Variants in MED25 observed in about 807,000 individuals in gnomAD.
The protein encoded by MED25 is mediator complex subunit 25.
MED25 carries 62 observed loss-of-function variants against 89.4 expected under a neutral mutation model. The ratio of observed to expected loss-of-function variants is 0.69; its 90% CI spans 0.57 to 0.86. MED25 has a LOEUF of 0.86. Among genes scored for constraint, MED25 ranks in the 40% least tolerant of loss-of-function variants. The pLI, the probability that MED25 is intolerant of heterozygous loss-of-function variation, is 0.00. For synonymous variants in MED25, 449 were observed against 427.9 expected, an observed-to-expected ratio of 1.05 and a Z score of -0.61; for missense variants, 905 against 1,005.2, an observed-to-expected ratio of 0.90 and a Z score of 1.35.
intron 12 of MED25, 53 bp from the exon 13 acceptor site, chr19:49,832,255 C>T: frequency 6.6e-7 from 1 of 1,524,288 alleles, no homozygotes. Flanking sequence ...GCCTCATGTC[C>T]CCGCCTCACT....
Position 49,830,179 on chromosome 19 carries a change from C to T in MED25, c.780C>T (p.Ala260=), listed in dbSNP as rs1310249035. 6.2e-7 allele frequency: 1 copy of T among 1,600,558 alleles called. No homozygotes were observed. Among genetic ancestry groups the T allele is most frequent in the East Asian group, 2.2e-5 (1 of 44,752 alleles). ...CCTCAGGTGCCACTCTCTCAGCAGC[C>T]CCCCAGCAGCCTCTGCCCCCCGTCC... ...AAPSGATLSA[A]PQQPLPPVPP... is the part of the protein sequence containing the mutation. Residue 260 remains alanine, a synonymous_variant, in exon 7 of 18, where the codon GCC becomes GCT. Transcript: ENST00000312865. This position sits in a 1 kb window ranked among gnomAD's most constrained non-coding sequence, Gnocchi z 4.6.
chr19:49,835,729 C>G lies in MED25; in HGVS notation c.1749C>G (p.Leu583=), dbSNP rs2074091528. ...ACCCCTGTGTCTCTTCCCACCAGCT[C>G]CAGCTCCGCCCACCGCAGCCCCAGC... ...EDQARPSQNL[L]QLRPPQPQPQ... The change falls in exon 16 of 18, where the codon CTC becomes CTG. Residue 583 remains leucine, a splice_region_variant and synonymous_variant. Transcript: ENST00000312865. This position sits in a 1 kb window ranked among gnomAD's most constrained non-coding sequence, Gnocchi z 6.2. 1 of 1,609,376 alleles carries G rather than the reference C, an allele frequency of 6.2e-7. No individual in the cohort carries two copies.
rs1568626129 is a variant in MED25, at chr19:49,836,684, G to A, written c.2147-163G>A. The A allele has an allele frequency of 1.4e-6, 1 of 739,018 alleles. No homozygotes were observed. The highest frequency in any genetic ancestry group is 2.5e-6 in the Non-Finnish European group (1 of 406,450). The allele number at this position is 739,018 out of a possible 1,614,324, so 45.8% of individuals were successfully genotyped here. ...GGCCAGAGAAGTAGTTTTGGAGAAGGGCCCCCAAAGGCTCATGGGAAACAG... is the reference window on the plus strand; with the variant it reads ...GGCCAGAGAAGTAGTTTTGGAGAAGAGCCCCCAAAGGCTCATGGGAAACAG... On this transcript the variant is annotated intron_variant, in intron 17 of 17. Transcript: ENST00000312865. This position sits in a 1 kb window ranked among gnomAD's most constrained non-coding sequence, Gnocchi z 5.1.
At position 49,836,762 on chromosome 19, in the gene MED25, G is replaced by T; in HGVS notation, c.2147-85G>T. ...GGTGCTTCTGTTGGGTCCCCCAAGG[G>T]CTGCCTAGAAAACTTAGTGCCTCTG... On this transcript the variant is annotated intron_variant, in intron 17 of 17. Coordinates refer to ENST00000312865, the MANE Select transcript of MED25 (RefSeq NM_030973.4). This position sits in a 1 kb window ranked among gnomAD's most constrained non-coding sequence, Gnocchi z 5.1. The T allele has an allele frequency of 9.9e-7, 1 of 1,007,642 alleles. No homozygotes were observed. Among genetic ancestry groups the T allele is most frequent in the Non-Finnish European group, 1.5e-6 (1 of 646,690 alleles). 62.4% of individuals were successfully genotyped at this position (1,007,642 alleles called of 1,614,324 possible).
rs2074099807 is a variant in MED25 at position 49,836,548 on chromosome 19, T to C, written c.2146+142T>C. The C allele has an allele frequency of 9.2e-7, 1 of 1,086,170 alleles. No individual in the cohort carries two copies. Among genetic ancestry groups the C allele is most frequent in the Non-Finnish European group, 1.4e-6 (1 of 724,110 alleles). 67.3% of individuals were successfully genotyped at this position (1,086,170 alleles called of 1,614,324 possible). A position where few individuals can be genotyped will look rare whatever the true frequency, so the allele number is the denominator to read the frequency against. ...TTCCCCCATGGCCTTTGCGGAGCTC[T>C]GAGGGCTCCGGGAAAGTACAGCCCA... On this transcript the variant is annotated intron_variant, in intron 17 of 17. Coordinates refer to ENST00000312865, the MANE Select transcript of MED25 (RefSeq NM_030973.4). This position sits in a 1 kb window ranked among gnomAD's most constrained non-coding sequence, Gnocchi z 5.1.
chr19:49,822,462 A>G (rs2073989998), intron 3 of MED25, among the ~76,000 whole-genome samples: 1 of 151,410 alleles, frequency 6.6e-6, no homozygotes. Context: ...TTTTGTGGAG[A>G]CAAGGTCCTG....
intron 13 of MED25, chr19:49,833,130 G>A (rs1247054586): frequency 1.3e-5 from 2 of 153,478 alleles, no homozygotes; most frequent in African/African-American, 4.8e-5. Flanking sequence ...TTTTGAGACA[G>A]AGTTTCACTG....
chr19:49,824,944 G>T (rs1036588484), intron 3 of MED25, among the ~76,000 whole-genome samples: 2 of 152,158 alleles, frequency 1.3e-5, no homozygotes, highest in African/African-American at 4.8e-5. Flanking sequence ...GTAAGTTAGA[G>T]GACTTGGGAA....
chr19:49,821,628 C>T (rs924815853), intron 3 of MED25, among the ~76,000 whole-genome samples: 1 of 150,974 alleles, frequency 6.6e-6, no homozygotes, highest in Middle Eastern at 3.2e-3. Flanking sequence ...ATCATCCTGC[C>T]TTGACCTCCC....
Position 49,831,818 on chromosome 19 carries a change from C to T in MED25, c.1231-118C>T, listed in dbSNP as rs1226478673. On this transcript the variant is annotated intron_variant, in intron 10 of 17. Coordinates refer to ENST00000312865, the MANE Select transcript of MED25 (RefSeq NM_030973.4). The surrounding 1 kb of genome is among the most constrained non-coding windows in gnomAD (Gnocchi z 5.0). The stretch of plus-strand genomic sequence containing the variant: ...TGGTCTGGAGGAGGGGCCTGGGGCT[C>T]ATGGGACTTAAACTGGGGAACATCC... 8.5e-6 allele frequency: 8 copies of T among 939,006 alleles called. No individual in the cohort carries two copies. Among genetic ancestry groups the T allele is most frequent in the Non-Finnish European group, 1.4e-5 (8 of 580,790 alleles). 58.2% of individuals were successfully genotyped at this position (939,006 alleles called of 1,614,324 possible).
chr19:49,835,707 C>T lies in MED25; in HGVS notation c.1747-20C>T, dbSNP rs758355719. Reference sequence around the variant, plus strand: ...TGAGGCCCTGCCCATCTCCCTCACCCCTGTGTCTCTTCCCACCAGCTCCAG... The same window carrying T: ...TGAGGCCCTGCCCATCTCCCTCACCTCTGTGTCTCTTCCCACCAGCTCCAG... On this transcript the variant is annotated intron_variant, in intron 15 of 17. Coordinates refer to ENST00000312865, the MANE Select transcript of MED25 (RefSeq NM_030973.4). This position sits in a 1 kb window ranked among gnomAD's most constrained non-coding sequence, Gnocchi z 6.2. The T allele has an allele frequency of 1.2e-6, 2 of 1,605,538 alleles. No homozygotes were observed. The highest frequency in any genetic ancestry group is 1.1e-5 in the South Asian group (1 of 89,740).
chr19:49,830,476 C>T lies in MED25; in HGVS notation c.820-35C>T, dbSNP rs2074047035. 2 of 1,605,514 alleles carry T rather than the reference C, an allele frequency of 1.2e-6. No homozygotes were observed. The highest frequency in any genetic ancestry group is 1.3e-5 in the African/African-American group (1 of 74,730). ...ACCAGGACTGGGGGGCCATGGTCCT[C>T]ACCAGTCCCTTCCCTTCTTCCCTTC... On this transcript the variant is annotated intron_variant, in intron 7 of 17. Transcript: ENST00000312865. This position sits in a 1 kb window ranked among gnomAD's most constrained non-coding sequence, Gnocchi z 4.6.
In MED25 at chr19:49,830,832, C is replaced by T; in HGVS notation, c.1046C>T (p.Thr349Ile). 6.2e-7 allele frequency: 1 copy of T among 1,613,140 alleles called. No individual in the cohort carries two copies. The highest frequency in any genetic ancestry group is 8.5e-7 in the Non-Finnish European group (1 of 1,179,896). The part of the protein sequence containing the change: ...PPASQPSLVS[T>I]VAPGSGLAPT... ...GCTTCCCAGCCCAGTCTGGTCTCCA[C>T]TGTGGCCCCTGGCTCCGGCCTGGCT... Residue 349 changes from threonine (T) to isoleucine (I), a missense_variant, in exon 9 of 18, where the codon ACT becomes ATT. Physicochemically the swap from Thr to Ile is moderately conservative, Grantham distance 89. Around this residue, in one of 3 missense-constraint regions of MED25, gnomAD observed 501 missense variants for 526.9 expected, o/e 0.95. Coordinates refer to ENST00000312865, the MANE Select transcript of MED25 (RefSeq NM_030973.4). This position sits in a 1 kb window ranked among gnomAD's most constrained non-coding sequence, Gnocchi z 4.6.
At chr19:49,832,721 C>T (rs1321292936) in intron 13 of MED25, among the ~76,000 whole-genome samples, 2 of 152,108 alleles carry the variant, frequency 1.3e-5, no homozygotes. Flanking sequence ...GCTGTGGTAA[C>T]ACATTACCAC....
intron 3 of MED25, among the ~76,000 whole-genome samples, chr19:49,827,039 C>G (rs34663047): frequency 1.1e-4 from 17 of 152,106 alleles, no homozygotes; most frequent in African/African-American, 4.1e-4. Context: ...GTGGGCAAGC[C>G]TGGGGGTAAG....
At chr19:49,819,115 C>G in intron 2 of MED25, 57 bp from the exon 3 acceptor site, 2 of 1,609,108 alleles carry the variant, frequency 1.2e-6, no homozygotes, top group African/African-American at 1.3e-5. Context: ...GATTCCTTCT[C>G]TAAGGGAAAA....
At chr19:49,837,446 G>A (rs937261575), downstream of MED25, among the ~76,000 whole-genome samples, 1 of 152,238 alleles carries the variant, frequency 6.6e-6, no homozygotes, top group African/African-American at 2.4e-5. Flanking sequence ...AGAGTTTGAG[G>A]AGCTCGGATT....
In MED25 at chr19:49,831,962, C is replaced by T. The variant is rs924251754; in HGVS notation, c.1257C>T (p.Ala419=). ...AACCCAAACCTGCCTCAGTGGATGC[C>T]AACACCAAGCTGACGCGGTCACTGC... ...QEKPKPASVD[A]NTKLTRSLPC... is the part of the protein sequence containing the mutation. Residue 419 remains alanine, a synonymous_variant, in exon 11 of 18, where the codon GCC becomes GCT. Transcript: ENST00000312865. This position sits in a 1 kb window ranked among gnomAD's most constrained non-coding sequence, Gnocchi z 5.0. The T allele has an allele frequency of 6.2e-7, 1 of 1,613,708 alleles. No individual in the cohort carries two copies. The highest frequency in any genetic ancestry group is 1.7e-5 in the Admixed American group (1 of 59,998).
chr19:49,838,333 C>T, downstream of MED25: 1 of 348,884 alleles, frequency 2.9e-6, no homozygotes, highest in South Asian at 2.2e-5. Flanking sequence ...GCAGTCTTGG[C>T]TTCTTTTGAC....
Sources: allele counts gnomAD v4.1 joint callset (sites outside exome capture counted in the v4.1 genomes callset), GRCh38; gene constraint gnomAD v4.1.1; regional missense constraint gnomAD v4.1.1; non-coding constraint Gnocchi (gnomAD v3.1); transcripts MANE v1.5; gene names NCBI Gene and HGNC (gene_info 2026-07-23, HGNC 2026-07-21).